UGGT1: variants seen among roughly 807,000 people sequenced by gnomAD.
UGGT1 encodes the protein UDP-glucose:glycoprotein glucosyltransferase 1.
In UGGT1, 107 loss-of-function variants were observed where a neutral mutation model predicts 203.9. The observed-to-expected ratio is 0.52, with a 90% CI of 0.45 to 0.62. The LOEUF (loss-of-function observed/expected upper bound fraction) is 0.62. Among genes scored for constraint, UGGT1 ranks in the 20% least tolerant of loss-of-function variants. The probability of loss-of-function intolerance (pLI) is 0.00; values close to 1 mark genes in which losing one functional copy is unlikely to be tolerated. For synonymous variants in UGGT1, 628 were observed against 653.5 expected (o/e 0.96, Z 0.59); for missense variants, 1,673 against 1,867.2 (o/e 0.90, Z 1.92).
At position 128,127,489 on chromosome 2, in the gene UGGT1, G is replaced by C. The variant is rs147067655; in HGVS notation, c.1226+37G>C. ...ATTTTTCATTCTCTGAAAAGTTTTT[G>C]TAATGCGTAGCACCTTGTAACATGT... On this transcript the variant is annotated intron_variant, in intron 12 of 40. Coordinates refer to ENST00000259253, the MANE Select transcript of UGGT1 (RefSeq NM_020120.4). 256 of 1,418,690 alleles carry C rather than the reference G, an allele frequency of 1.8e-4. No individual in the cohort carries two copies. The East Asian group carries it at 3.2e-3, about 18-fold the overall frequency. 87.9% of individuals were successfully genotyped at this position (1,418,690 alleles called of 1,614,324 possible).
intron 17 of UGGT1, among the ~76,000 whole-genome samples, chr2:128,144,773 C>T (rs541985979): frequency 2.0e-5 from 3 of 152,216 alleles, no homozygotes; most frequent in East Asian, 3.9e-4. Context: ...AGTCTGTTAC[C>T]GATGACTCGG....
chr2:128,183,844 C>A, intron 38 of UGGT1, 55 bp downstream of exon 38: 2 of 1,404,444 alleles, frequency 1.4e-6, no homozygotes, highest in South Asian at 1.2e-5. Flanking sequence ...AGTGTTGCAT[C>A]AGAAAATGAA....
intron 15 of UGGT1, among the ~76,000 whole-genome samples, chr2:128,137,169 G>A (rs966478750): frequency 1.3e-5 from 2 of 152,128 alleles, no homozygotes; most frequent in African/African-American, 2.4e-5. Flanking sequence ...ATAATCCCAG[G>A]ACTTTGGGAG....
rs1558799061 is a variant in UGGT1 at position 128,153,343 on chromosome 2, TATG to T, written c.2137+443_2137+445del. On this transcript the variant is annotated intron_variant, in intron 19 of 40. Transcript: ENST00000259253. ...AAGGCCTTTAGCAGCTTCATCAAGA[TATG>T]ATGTATATGCCATAAAACTCAACCT... is the stretch of plus-strand genomic sequence containing the variant. Among the ~76,000 whole-genome samples the T allele has an allele frequency of 3.3e-5, 5 of 152,310 alleles. No homozygotes were observed. The South Asian group carries it at 1.0e-3, about 32-fold the overall frequency.
intron 18 of UGGT1, among the ~76,000 whole-genome samples, chr2:128,149,860 G>A (rs1357630229): frequency 6.6e-6 from 1 of 152,130 alleles, no homozygotes; most frequent in Non-Finnish European, 1.5e-5. Context: ...TACTCGGGAG[G>A]CTGAGGCAGG....
intron 6 of UGGT1, 21 bp from the exon 7 acceptor site, chr2:128,115,103 G>T (rs1175163068): frequency 6.2e-7 from 1 of 1,611,428 alleles, no homozygotes; most frequent in South Asian, 1.1e-5. Context: ...GGTAATGATG[G>T]AATTCTTGCT....
chr2:128,181,308 G>A (rs991670815), intron 36 of UGGT1, among the ~76,000 whole-genome samples: 1 of 152,080 alleles, frequency 6.6e-6, no homozygotes, highest in Non-Finnish European at 1.5e-5. Flanking sequence ...GTGCAGTTTT[G>A]TATCTGACTT....
In UGGT1 at chr2:128,190,936, C is replaced by G. The variant is rs1692232396; in HGVS notation, c.*1194C>G. The G allele has an allele frequency of 6.6e-6, 1 of 152,324 alleles. No homozygotes were observed. The highest frequency in any genetic ancestry group is 1.5e-5 in the Non-Finnish European group (1 of 68,110). 9.4% of individuals were successfully genotyped at this position (152,324 alleles called of 1,614,324 possible). On this transcript the variant is annotated 3_prime_UTR_variant, in exon 41 of 41. Coordinates refer to ENST00000259253, the MANE Select transcript of UGGT1 (RefSeq NM_020120.4). ...TCGTGAAGCCCCATTTGCCTTTAGTCCCTGCTTTGTGTGTCTTCACTTCCA... is the reference window on the plus strand; with the variant it reads ...TCGTGAAGCCCCATTTGCCTTTAGTGCCTGCTTTGTGTGTCTTCACTTCCA...
chr2:128,133,072 T>A, intron 13 of UGGT1, 69 bp from the exon 14 acceptor site: 1 of 1,553,792 alleles, frequency 6.4e-7, no homozygotes, highest in South Asian at 1.1e-5. Context: ...TAAAGTCTTA[T>A]TGATATTATT....
intron 26 of UGGT1, among the ~76,000 whole-genome samples, chr2:128,167,597 G>A (rs1690859805): frequency 6.6e-6 from 1 of 152,188 alleles, no homozygotes; most frequent in South Asian, 2.1e-4. Context: ...GTGCATTCAT[G>A]CTACTAAGCA....
At chr2:128,120,309 G>A (rs371915431) in intron 8 of UGGT1, 47 bp from the exon 9 acceptor site, 76 of 1,570,622 alleles carry the variant, frequency 4.8e-5, no homozygotes, top group East Asian at 6.7e-5. Context: ...CTTATGCTCC[G>A]GGAAAGAAAA....
Position 128,160,334 on chromosome 2 carries a change from TTAATTATGA to T in UGGT1, c.2563-125_2563-117del, listed in dbSNP as rs1393027795. 8.0e-6 allele frequency: 8 copies of T among 994,830 alleles called. No individual in the cohort carries two copies. In the African/African-American group the frequency reaches 1.3e-4, roughly 17 times the overall value. The allele number at this position is 994,830 out of a possible 1,614,324, so 61.6% of individuals were successfully genotyped here. A position where few individuals can be genotyped will look rare whatever the true frequency, so the allele number is the denominator to read the frequency against. On this transcript the variant is annotated intron_variant, in intron 23 of 40. Coordinates refer to ENST00000259253, the MANE Select transcript of UGGT1 (RefSeq NM_020120.4). The stretch of plus-strand genomic sequence containing the variant: ...ACTGGAGAATTGACACATCTTAATG[TTAATTATGA>T]AAATTAGTTATTACTTTCCAGGGAA...
chr2:128,152,813 A>G lies in UGGT1; in HGVS notation c.2046A>G (p.Val682=). 1.2e-6 allele frequency: 2 copies of G among 1,613,572 alleles called. No individual in the cohort carries two copies. Among genetic ancestry groups the G allele is most frequent in the Non-Finnish European group, 8.5e-7 (1 of 1,179,852 alleles). ...AACTGCCCCATGATCAAGATGTGGT[A>G]GAGTATATCATGAATCAGCCAAATG... ...LGELPHDQDV[V]EYIMNQPNVV... Residue 682 remains valine (V), a synonymous_variant, in exon 19 of 41, where the codon GTA becomes GTG. Coordinates refer to ENST00000259253, the MANE Select transcript of UGGT1 (RefSeq NM_020120.4).
chr2:128,113,281 C>A, intron 6 of UGGT1, 23 bp downstream of exon 6: 1 of 1,541,596 alleles, frequency 6.5e-7, no homozygotes, highest in Non-Finnish European at 8.8e-7. Flanking sequence ...TTATTTTACA[C>A]CTGTTTTGAA....
At chr2:128,187,646 C>A in intron 40 of UGGT1, 32 bp downstream of exon 40, 1 of 1,561,010 alleles carries the variant, frequency 6.4e-7, no homozygotes, top group Non-Finnish European at 8.7e-7. Context: ...TAGGACAGTA[C>A]TTCTTTCCAT....
At chr2:128,119,443 A>G (rs1051172179) in intron 8 of UGGT1, among the ~76,000 whole-genome samples, 1 of 152,166 alleles carries the variant, frequency 6.6e-6, no homozygotes, top group Non-Finnish European at 1.5e-5. Flanking sequence ...CAAAGAAAAA[A>G]AAAAAGAAAT....
chr2:128,134,483 C>T (rs949754103), intron 14 of UGGT1, among the ~76,000 whole-genome samples: 1 of 152,234 alleles, frequency 6.6e-6, no homozygotes, highest in African/African-American at 2.4e-5. Flanking sequence ...TGCCTGACAG[C>T]TGTGGCTGTG....
At chr2:128,168,829 T>C (rs776139095) in intron 26 of UGGT1, among the ~76,000 whole-genome samples, 2 of 151,992 alleles carry the variant, frequency 1.3e-5, no homozygotes, top group Non-Finnish European at 2.9e-5. Flanking sequence ...GGCAGATCAC[T>C]TGAGGCCAGG....
At chr2:128,188,344 G>A (rs1051932848) in intron 40 of UGGT1, among the ~76,000 whole-genome samples, 4 of 151,880 alleles carry the variant, frequency 2.6e-5, no homozygotes, top group Non-Finnish European at 4.4e-5. Context: ...GCGCCTGGCC[G>A]AAAAAAGTAT....
Sources: allele counts gnomAD v4.1 joint callset (sites outside exome capture counted in the v4.1 genomes callset), GRCh38; gene constraint gnomAD v4.1.1; transcripts MANE v1.5; gene names NCBI Gene and HGNC (gene_info 2026-07-23, HGNC 2026-07-21).